SLC38A6: variants seen among roughly 807,000 people sequenced by gnomAD.
SLC38A6 encodes solute carrier family 38 member 6.
SLC38A6 carries 73 observed loss-of-function variants against 65.0 expected under a neutral mutation model. The observed-to-expected ratio is 1.12, with a 90% CI of 0.93 to 1.37. The LOEUF (loss-of-function observed/expected upper bound fraction) is 1.37, where lower values mean the gene tolerates loss of function less well. Ranked by LOEUF, SLC38A6 falls within the 40% of genes most tolerant of loss-of-function variation. SLC38A6 has a pLI of 0.00. For synonymous variants in SLC38A6, 183 were observed against 178.8 expected (o/e 1.02, Z -0.19); for missense variants, 561 against 531.1 (o/e 1.06, Z -0.55).
chr14:61,038,637 G>A (rs556043474), intron 8 of SLC38A6, among the ~76,000 whole-genome samples: 45 of 151,862 alleles, frequency 3.0e-4, no homozygotes, highest in Non-Finnish European at 6.2e-4. Flanking sequence ...AACAACCTAG[G>A]GTGCATTTAA....
At chr14:61,006,827 A>G (rs2039159676) in intron 3 of SLC38A6, among the ~76,000 whole-genome samples, 1 of 152,184 alleles carries the variant, frequency 6.6e-6, no homozygotes, top group Non-Finnish European at 1.5e-5. Flanking sequence ...TACTGGGTAT[A>G]TACCCAAAGG....
chr14:60,990,873 G>C lies in SLC38A6; in HGVS notation c.310+6070G>C, dbSNP rs565988890. Reference sequence around the variant, plus strand: ...TCATTTTTTAATTTTTTGCAGAGATGGGCTCTTACCACGATGCCTAGGCTG... The same window carrying C: ...TCATTTTTTAATTTTTTGCAGAGATCGGCTCTTACCACGATGCCTAGGCTG... On this transcript the variant is annotated intron_variant, in intron 3 of 15. Coordinates refer to ENST00000267488, the MANE Select transcript of SLC38A6 (RefSeq NM_153811.3). 2.5e-4 allele frequency among the ~76,000 whole-genome samples: 38 copies of C among 152,138 alleles called. No homozygotes were observed. In the South Asian group the frequency reaches 7.9e-3, roughly 32 times the overall value.
At chr14:61,047,226 A>C (rs534884997) in intron 12 of SLC38A6, among the ~76,000 whole-genome samples, 1 of 152,282 alleles carries the variant, frequency 6.6e-6, no homozygotes, top group Admixed American at 6.5e-5. Flanking sequence ...GAAACCTCAG[A>C]TGGCTTGCCA....
At chr14:61,075,142 C>T (rs1176614530) in intron 15 of SLC38A6, among the ~76,000 whole-genome samples, 1 of 152,062 alleles carries the variant, frequency 6.6e-6, no homozygotes, top group Non-Finnish European at 1.5e-5. Context: ...AGTGCTAACC[C>T]AGTGGTGGGA....
At chr14:60,996,805 G>A (rs2038325533) in intron 3 of SLC38A6, among the ~76,000 whole-genome samples, 1 of 152,082 alleles carries the variant, frequency 6.6e-6, no homozygotes, top group Non-Finnish European at 1.5e-5. Flanking sequence ...GTCTTCCTAG[G>A]AGCAATACTG....
intron 8 of SLC38A6, among the ~76,000 whole-genome samples, chr14:61,039,303 G>A (rs940631407): frequency 1.2e-4 from 18 of 151,984 alleles, no homozygotes; most frequent in Admixed American, 9.8e-4. Flanking sequence ...ATCTACAGTG[G>A]GGCAATGAAG....
At position 61,051,852 on chromosome 14, in the gene SLC38A6, G is replaced by C. The variant is rs576186273; in HGVS notation, c.1116G>C (p.Leu372Phe). 1 of 1,612,116 alleles carries C rather than the reference G, an allele frequency of 6.2e-7. No homozygotes were observed. Among genetic ancestry groups the C allele is most frequent in the South Asian group, 1.1e-5 (1 of 90,830 alleles). The change falls in exon 14 of 16, where the codon TTG becomes TTC. Residue 372 changes from leucine (L) to phenylalanine (F), a missense_variant. Coordinates refer to ENST00000267488, the MANE Select transcript of SLC38A6 (RefSeq NM_153811.3). ...CATTCTCATGGATTCGCCATTTTTTGATCACTCTAGCACTCAATATTATCA... is the reference window on the plus strand; with the variant it reads ...CATTCTCATGGATTCGCCATTTTTTCATCACTCTAGCACTCAATATTATCA... ...NFPFSWIRHF[L>F]ITLALNIIIV...
intron 6 of SLC38A6, among the ~76,000 whole-genome samples, chr14:61,035,825 TA>T (rs1425630718): frequency 6.6e-6 from 1 of 152,178 alleles, no homozygotes; most frequent in Non-Finnish European, 1.5e-5. Flanking sequence ...CTTTAACTTT[TA>T]AAAATGTCTA....
chr14:60,981,295 GAGCTTCA>G lies in SLC38A6; in HGVS notation c.20_26del (p.Ser7ThrfsTer21). ...AGAGCAGCATGGAGGCGTCCTGGGG[GAGCTTCA>G]ACGCTGAGCGGGGCTGGTATGTCTC... On this transcript the variant is annotated frameshift_variant, in exon 1 of 16. Coordinates refer to ENST00000267488, the MANE Select transcript of SLC38A6 (RefSeq NM_153811.3). LOFTEE classifies it high-confidence loss of function. The G allele has an allele frequency of 6.2e-7, 1 of 1,608,046 alleles. No individual in the cohort carries two copies.
intron 3 of SLC38A6, among the ~76,000 whole-genome samples, chr14:60,992,691 A>C (rs2037990091): frequency 6.6e-6 from 1 of 151,660 alleles, no homozygotes; most frequent in Non-Finnish European, 1.5e-5. Flanking sequence ...TTTAAAGATA[A>C]CTTTTTTTTT....
At chr14:61,013,130 A>G (rs1271982882) in intron 3 of SLC38A6, among the ~76,000 whole-genome samples, 2 of 152,086 alleles carry the variant, frequency 1.3e-5, no homozygotes, top group East Asian at 1.9e-4. Context: ...TCCCTTTACC[A>G]TTATGTAATG....
chr14:60,997,361 A>G (rs1033142099), intron 3 of SLC38A6, among the ~76,000 whole-genome samples: 3 of 152,162 alleles, frequency 2.0e-5, no homozygotes, highest in Admixed American at 1.3e-4. Flanking sequence ...CATGTTGGTC[A>G]GGCTGATCTG....
intron 5 of SLC38A6, among the ~76,000 whole-genome samples, 182 bp from the exon 6 acceptor site, chr14:61,030,263 C>CTGTGTGTGTGTGTGTG (rs3080609): frequency 1.3e-5 from 2 of 148,728 alleles, no homozygotes; most frequent in Admixed American, 1.3e-4. Flanking sequence ...AGTTACTTTT[C>CTGTGTGTGTGTGTGTG]TGTGTGTGTG....
chr14:61,006,430 C>T (rs1230095931), intron 3 of SLC38A6, among the ~76,000 whole-genome samples: 1 of 152,180 alleles, frequency 6.6e-6, no homozygotes, highest in Non-Finnish European at 1.5e-5. Context: ...ACCTACTCAT[C>T]TGACAAAGGG....
chr14:60,989,078 C>G (rs1398539711), intron 3 of SLC38A6, among the ~76,000 whole-genome samples: 4 of 152,128 alleles, frequency 2.6e-5, no homozygotes, highest in Admixed American at 1.3e-4. Flanking sequence ...TGATTTCACC[C>G]ATAACTGATA....
intron 4 of SLC38A6, among the ~76,000 whole-genome samples, chr14:61,017,510 G>A (rs2040090234): frequency 6.6e-6 from 1 of 152,176 alleles, no homozygotes. Flanking sequence ...GGATTAGGAT[G>A]TTTGGTGTAG....
intron 15 of SLC38A6, among the ~76,000 whole-genome samples, chr14:61,061,792 A>G (rs2042850147): frequency 6.6e-6 from 1 of 151,504 alleles, no homozygotes; most frequent in African/African-American, 2.4e-5. Flanking sequence ...TTGCAATTAC[A>G]AATAAAGCTG....
intron 5 of SLC38A6, 99 bp downstream of exon 5, chr14:61,019,679 A>G (rs113945982): frequency 3.3e-5 from 41 of 1,242,116 alleles, no homozygotes; most frequent in Admixed American, 2.6e-4. Flanking sequence ...ACTTCTGTAG[A>G]CATAGCTATC....
chr14:61,065,561 T>C (rs2042994269), intron 15 of SLC38A6, among the ~76,000 whole-genome samples: 1 of 152,118 alleles, frequency 6.6e-6, no homozygotes, highest in Non-Finnish European at 1.5e-5. Context: ...ATCCCTGGGG[T>C]AGTGAAGTAA....
Sources: gnomAD v4.1 joint callset for allele counts (sites outside exome capture counted in the v4.1 genomes callset) on GRCh38, gnomAD v4.1.1 for gene constraint, MANE v1.5 for transcripts, NCBI Gene and HGNC (gene_info 2026-07-23, HGNC 2026-07-21) for gene names.